PEX10: variants seen among roughly 807,000 people sequenced by gnomAD.
The protein encoded by PEX10 is peroxisome biogenesis factor 10.
In PEX10, 32 loss-of-function variants were observed where a neutral mutation model predicts 38.0. The observed-to-expected ratio is 0.84, with a 90% CI of 0.63 to 1.13. The LOEUF (loss-of-function observed/expected upper bound fraction) is 1.13. PEX10 is among the 50% of genes most tolerant of loss of function. PEX10 has a pLI of 0.00. For synonymous variants in PEX10, 206 were observed against 207.3 expected (o/e 0.99, Z 0.05); for missense variants, 483 against 457.7 (o/e 1.06, Z -0.51).
Position 2,412,527 on chromosome 1 carries a change from G to A in PEX10, c.-25C>T. 3 of 1,325,052 alleles carry A rather than the reference G, an allele frequency of 2.3e-6. No homozygotes were observed. The highest frequency in any genetic ancestry group is 1.9e-5 in the South Asian group (1 of 51,302). 82.1% of individuals were successfully genotyped at this position (1,325,052 alleles called of 1,614,324 possible). On this transcript the variant is annotated 5_prime_UTR_variant, in exon 1 of 6. Coordinates refer to ENST00000447513, the MANE Select transcript of PEX10 (RefSeq NM_002617.4). ...TGGCCGCGGGTTCGGGTGGTCCCGA[G>A]CAGCCACGCCGGCCACGCCCACGCC...
rs902595978 is a variant in PEX10 at position 2,404,959 on chromosome 1, C to T, written c.*807G>A. 4 of 154,276 alleles carry T rather than the reference C, an allele frequency of 2.6e-5. No homozygotes were observed. The highest frequency in any genetic ancestry group is 5.8e-5 in the Non-Finnish European group (4 of 69,158). The allele number at this position is 154,276 out of a possible 1,614,324, so 9.6% of individuals were successfully genotyped here. On this transcript the variant is annotated 3_prime_UTR_variant, in exon 6 of 6. Transcript: ENST00000447513. ...CTGAGGGGCTGAACACAGCAGTGAC[C>T]GTGGGTCAGCAGGTCGCCTGCCCAG... is the stretch of plus-strand genomic sequence containing the variant.
rs935425137 is a variant in PEX10 at position 2,405,253 on chromosome 1, G to A, written c.*513C>T. 4.9e-5 allele frequency: 13 copies of A among 266,284 alleles called. No homozygotes were observed. Among genetic ancestry groups the A allele is most frequent in the South Asian group, 1.1e-4 (3 of 26,132 alleles). 16.5% of individuals were successfully genotyped at this position (266,284 alleles called of 1,614,324 possible). A position where few individuals can be genotyped will look rare whatever the true frequency, so the allele number is the denominator to read the frequency against. On this transcript the variant is annotated 3_prime_UTR_variant, in exon 6 of 6. Transcript: ENST00000447513. ...GGATGTGCTCTGCCCAGCCGCCCTC[G>A]GGGAGAGCAGCGCCGCCTCCCATGG...
Position 2,410,342 on chromosome 1 carries a change from C to T in PEX10, c.193+29G>A. 6.3e-7 allele frequency: 1 copy of T among 1,593,090 alleles called. No homozygotes were observed. The highest frequency in any genetic ancestry group is 8.6e-7 in the Non-Finnish European group (1 of 1,160,998). ...CAGACTTGGTGTGTGTGGCTGCCCT[C>T]AGTCCTGAGGTCCCGTGGGAGCTTC... On this transcript the variant is annotated intron_variant, in intron 2 of 5. Coordinates refer to ENST00000447513, the MANE Select transcript of PEX10 (RefSeq NM_002617.4). This position sits in a 1 kb window ranked among gnomAD's most constrained non-coding sequence, Gnocchi z 5.1.
At chr1:2,412,732 C>T (rs112472583), upstream of PEX10, among the ~76,000 whole-genome samples, 1 of 151,372 alleles carries the variant, frequency 6.6e-6, no homozygotes, top group African/African-American at 2.4e-5. Flanking sequence ...TAGTCGGAGG[C>T]GCAGGGCGGA....
At position 2,410,394 on chromosome 1, in the gene PEX10, T is replaced by C. The variant is rs760925882; in HGVS notation, c.170A>G (p.Tyr57Cys). Residue 57 changes from tyrosine to cysteine, a missense_variant, in exon 2 of 6, where the codon TAC becomes TGC. Tyr to Cys is a radical substitution (Grantham distance 194, BLOSUM62 -2). Coordinates refer to ENST00000447513, the MANE Select transcript of PEX10 (RefSeq NM_002617.4). The surrounding 1 kb of genome is among the most constrained non-coding windows in gnomAD (Gnocchi z 5.1). Reference protein sequence around the residue: ...KEVELLSDVAYFGLTTLAGYQ... With the variant: ...KEVELLSDVACFGLTTLAGYQ... ...ACCTGCAAGTGTGGTGAGGCCAAAG[T>C]AGGCCACATCTGAGAGCAGCTCAAC... 1 of 1,613,936 alleles carries C rather than the reference T, an allele frequency of 6.2e-7. No homozygotes were observed.
intron 3 of PEX10, 29 bp downstream of exon 3, chr1:2,408,423 C>T (rs1643077742): frequency 1.2e-6 from 2 of 1,611,764 alleles, no homozygotes; most frequent in Non-Finnish European, 1.7e-6. Flanking sequence ...ACGGCCTAAG[C>T]AGCTGTGCCC....
chr1:2,405,728 T>A lies in PEX10; in HGVS notation c.*38A>T, dbSNP rs775842120. ...CTAAATCTTGGCGTTCAGACTCCCGTAGAGGTCATCTGTGTCCAGGCCCAC... is the reference window on the plus strand; with the variant it reads ...CTAAATCTTGGCGTTCAGACTCCCGAAGAGGTCATCTGTGTCCAGGCCCAC... On this transcript the variant is annotated 3_prime_UTR_variant, in exon 6 of 6. Coordinates refer to ENST00000447513, the MANE Select transcript of PEX10 (RefSeq NM_002617.4). 6.5e-7 allele frequency: 1 copy of A among 1,546,888 alleles called. No individual in the cohort carries two copies.
In PEX10 at chr1:2,409,944, C is replaced by A; in HGVS notation, c.193+427G>T. 1 of 247,148 alleles carries A rather than the reference C, an allele frequency of 4.0e-6. No homozygotes were observed. The highest frequency in any genetic ancestry group is 4.7e-5 in the South Asian group (1 of 21,072). The allele number at this position is 247,148 out of a possible 1,614,324, so 15.3% of individuals were successfully genotyped here. A position where few individuals can be genotyped will look rare whatever the true frequency, so the allele number is the denominator to read the frequency against. On this transcript the variant is annotated intron_variant, in intron 2 of 5. Transcript: ENST00000447513. The surrounding 1 kb of genome is among the most constrained non-coding windows in gnomAD (Gnocchi z 6.2). ...TCGGTGGTCCTTGCTACATGCTGAG[C>A]TGGGGTTGGGAGCCTGAGAGCTTCT...
chr1:2,406,561 C>T lies in PEX10; in HGVS notation c.835G>A (p.Glu279Lys), dbSNP rs62641225. Residue 279 changes from glutamate (E) to lysine (K), a missense_variant, in exon 5 of 6, where the codon GAG becomes AAG. Glu to Lys is a moderately conservative substitution (Grantham distance 56). Coordinates refer to ENST00000447513, the MANE Select transcript of PEX10 (RefSeq NM_002617.4). The stretch of plus-strand genomic sequence containing the variant: ...GGCGTGGCTGTTGGGTGCCTGCGCT[C>T]CTCCAGGCACAGGGTGCACAGGGGG... ...RNPLCTLCLE[E>K]RRHPTATPCG... 6.8e-6 allele frequency: 11 copies of T among 1,613,224 alleles called. No homozygotes were observed. The highest frequency in any genetic ancestry group is 2.2e-5 in the South Asian group (2 of 91,084).
chr1:2,406,679 C>G, intron 4 of PEX10, 41 bp downstream of exon 4: 3 of 1,610,870 alleles, frequency 1.9e-6, no homozygotes, highest in Non-Finnish European at 2.5e-6. Context: ...TGTGAAGTGC[C>G]CAGGACACCC....
At position 2,405,194 on chromosome 1, in the gene PEX10, TTC is replaced by T. The variant is rs1415714807; in HGVS notation, c.*570_*571del. 2.2e-5 allele frequency: 4 copies of T among 182,054 alleles called. No homozygotes were observed. The highest frequency in any genetic ancestry group is 1.1e-4 in the South Asian group (1 of 9,484). The allele number at this position is 182,054 out of a possible 1,614,324, so 11.3% of individuals were successfully genotyped here. A position where few individuals can be genotyped will look rare whatever the true frequency, so the allele number is the denominator to read the frequency against. Reference sequence around the variant, plus strand: ...GACGGAGGTGCTGGCCTTGGTTGGTTTCTCTCTGCCCCGTGTGGTCATCAAGT... The same window carrying T: ...GACGGAGGTGCTGGCCTTGGTTGGTTTCTCTGCCCCGTGTGGTCATCAAGT... On this transcript the variant is annotated 3_prime_UTR_variant, in exon 6 of 6. Transcript: ENST00000447513.
At position 2,412,426 on chromosome 1, in the gene PEX10, C is replaced by G; in HGVS notation, c.77G>C (p.Arg26Pro). 7.0e-7 allele frequency: 1 copy of G among 1,420,316 alleles called. No individual in the cohort carries two copies. The highest frequency in any genetic ancestry group is 9.2e-7 in the Non-Finnish European group (1 of 1,091,514). The allele number at this position is 1,420,316 out of a possible 1,614,324, so 88.0% of individuals were successfully genotyped here. Reference protein sequence around the residue: ...QKDEYYRGGLRSAAGGALHSL... With the variant: ...QKDEYYRGGLPSAAGGALHSL... Reference sequence around the variant, plus strand: ...GTGCAGGGCGCCGCCCGCCGCGCTCCGCAGCCCACCGCGGTAGTACTCGTC... The same window carrying G: ...GTGCAGGGCGCCGCCCGCCGCGCTCGGCAGCCCACCGCGGTAGTACTCGTC... Residue 26 changes from arginine to proline, a missense_variant, in exon 1 of 6, where the codon CGG becomes CCG. By Grantham distance (103) the Arg-to-Pro change is moderately radical. Coordinates refer to ENST00000447513, the MANE Select transcript of PEX10 (RefSeq NM_002617.4).
rs34154371 is a variant in PEX10, at chr1:2,406,576, T to C, written c.820A>G (p.Thr274Ala). ...ERAVSRNPLC[T>A]LCLEERRHPT... Reference sequence around the variant, plus strand: ...TGCCTGCGCTCCTCCAGGCACAGGGTGCACAGGGGGTTTCTGGAAACGGCT... The same window carrying C: ...TGCCTGCGCTCCTCCAGGCACAGGGCGCACAGGGGGTTTCTGGAAACGGCT... Residue 274 changes from threonine (T) to alanine (A), a missense_variant, in exon 5 of 6, where the codon ACC becomes GCC. Physicochemically the swap from Thr to Ala is moderately conservative, Grantham distance 58 (BLOSUM62 0). Transcript: ENST00000447513. 36,655 of 1,613,202 alleles carry C rather than the reference T, an allele frequency of 0.023. 507 individuals carry two copies. The highest frequency in any genetic ancestry group is 0.026 in the Middle Eastern group (158 of 6,060).
In PEX10 at chr1:2,410,612, G is replaced by A. The variant is rs549108289; in HGVS notation, c.113-161C>T. 2 of 686,816 alleles carry A rather than the reference G, an allele frequency of 2.9e-6. No individual in the cohort carries two copies. Among genetic ancestry groups the A allele is most frequent in the African/African-American group, 3.5e-5 (2 of 56,872 alleles). The allele number at this position is 686,816 out of a possible 1,614,324, so 42.5% of individuals were successfully genotyped here. On this transcript the variant is annotated intron_variant, in intron 1 of 5. Transcript: ENST00000447513. This position sits in a 1 kb window ranked among gnomAD's most constrained non-coding sequence, Gnocchi z 5.1. ...CTCCCTCTCTGCTTCTGTCTCCGGA[G>A]GCACCACCTTGACTTGCCTTAGCGT...
At chr1:2,407,482 C>T (rs112094671) in intron 3 of PEX10, among the ~76,000 whole-genome samples, 4 of 152,180 alleles carry the variant, frequency 2.6e-5, no homozygotes, top group Non-Finnish European at 5.9e-5. Context: ...CAGGTCACAC[C>T]GCCAGCATGG....
At chr1:2,406,661 CA>C (rs780407557) in intron 4 of PEX10, 42 bp from the exon 5 acceptor site, 3 of 1,612,304 alleles carry the variant, frequency 1.9e-6, no homozygotes, top group Admixed American at 3.3e-5. Context: ...GTGCACCTTA[CA>C]GGTCCTTGTG....
At chr1:2,412,664 G>A (rs1485549566), upstream of PEX10, 2 of 464,724 alleles carry the variant, frequency 4.3e-6, no homozygotes, top group East Asian at 3.9e-5. Flanking sequence ...GCCAGGGCCC[G>A]GGCGGAAGCG....
In PEX10 at chr1:2,412,549, CGCCCAG is replaced by C. The variant is rs1204379604; in HGVS notation, c.-53_-48del. On this transcript the variant is annotated 5_prime_UTR_variant, in exon 1 of 6. Coordinates refer to ENST00000447513, the MANE Select transcript of PEX10 (RefSeq NM_002617.4). Reference sequence around the variant, plus strand: ...CGAGCAGCCACGCCGGCCACGCCCACGCCCAGACGGGCGAGAACTGATGACGGCACG... The same window carrying C: ...CGAGCAGCCACGCCGGCCACGCCCACACGGGCGAGAACTGATGACGGCACG... 1 of 1,269,882 alleles carries C rather than the reference CGCCCAG, an allele frequency of 7.9e-7. No homozygotes were observed. Among genetic ancestry groups the C allele is most frequent in the Non-Finnish European group, 1.0e-6 (1 of 999,572 alleles). The allele number at this position is 1,269,882 out of a possible 1,614,324, so 78.7% of individuals were successfully genotyped here.
Position 2,410,657 on chromosome 1 carries a change from A to G in PEX10, c.113-206T>C. The G allele has an allele frequency of 1.6e-6, 1 of 629,674 alleles. No homozygotes were observed. Among genetic ancestry groups the G allele is most frequent in the Non-Finnish European group, 2.9e-6 (1 of 339,014 alleles). 39.0% of individuals were successfully genotyped at this position (629,674 alleles called of 1,614,324 possible). A position where few individuals can be genotyped will look rare whatever the true frequency, so the allele number is the denominator to read the frequency against. On this transcript the variant is annotated intron_variant, in intron 1 of 5. Coordinates refer to ENST00000447513, the MANE Select transcript of PEX10 (RefSeq NM_002617.4). The surrounding 1 kb of genome is among the most constrained non-coding windows in gnomAD (Gnocchi z 5.1). ...TAGCGTGAGCTGCAGACAGTCTGCG[A>G]AGAATCTCCCACCTGTGCTCATCTC...
Sources: allele counts gnomAD v4.1 joint callset (sites outside exome capture counted in the v4.1 genomes callset), GRCh38; gene constraint gnomAD v4.1.1; non-coding constraint Gnocchi (gnomAD v3.1); transcripts MANE v1.5; gene names NCBI Gene and HGNC (gene_info 2026-07-23, HGNC 2026-07-21).